The following ERC1 variants were observed in gnomAD, a reference collection of about 807,000 sequenced individuals.
ERC1 encodes RAB6 interacting protein 2.
ERC1 carries 56 observed loss-of-function variants against 132.0 expected under a neutral mutation model. The observed-to-expected ratio is 0.42, with a 90% CI of 0.34 to 0.53. ERC1 has a LOEUF of 0.53. Ranked by LOEUF, ERC1 falls within the 20% of genes least tolerant of loss-of-function variation. The pLI is 0.03. For synonymous variants in ERC1, 478 were observed against 476.1 expected (o/e 1.00, Z -0.05); for missense variants, 1,202 against 1,349.9 (o/e 0.89, Z 1.72).
At chr12:1,200,093 T>A (rs1441290541) in intron 12 of ERC1, among the ~76,000 whole-genome samples, 1 of 152,118 alleles carries the variant, frequency 6.6e-6, no homozygotes, top group Non-Finnish European at 1.5e-5. Context: ...TTATTGCCTT[T>A]TGAGTTTTTA....
intron 7 of ERC1, among the ~76,000 whole-genome samples, chr12:1,119,921 C>T (rs574179068): frequency 2.6e-5 from 4 of 152,080 alleles, no homozygotes; most frequent in Non-Finnish European, 5.9e-5. Context: ...TAACAACTTC[C>T]TAAGGTTTTT....
intron 3 of ERC1, among the ~76,000 whole-genome samples, chr12:1,096,612 A>G (rs557709586): frequency 1.6e-4 from 25 of 152,226 alleles, no homozygotes; most frequent in Non-Finnish European, 2.9e-4. Flanking sequence ...TTGTCGTTTT[A>G]AGGCAGGTGA....
At chr12:1,392,001 C>G (rs1201662037) in intron 16 of ERC1, among the ~76,000 whole-genome samples, 1 of 151,996 alleles carries the variant, frequency 6.6e-6, no homozygotes, top group African/African-American at 2.4e-5. Context: ...TACTTTTATA[C>G]TTAGTGTGCT....
At chr12:1,362,762 A>G (rs1371438477) in intron 15 of ERC1, among the ~76,000 whole-genome samples, 1 of 152,172 alleles carries the variant, frequency 6.6e-6, no homozygotes, top group Non-Finnish European at 1.5e-5. Flanking sequence ...TTTCAGGAAA[A>G]TGAAAAATCT....
intron 8 of ERC1, among the ~76,000 whole-genome samples, chr12:1,146,314 T>TTTTTTTTTTTTTTG (rs1566079523): frequency 3.0e-5 from 4 of 132,806 alleles, no homozygotes; most frequent in African/African-American, 1.4e-4. Context: ...ACTGGTTTTT[T>TTTTTTTTTTTTTTG]TTTTTTTTTT....
Position 1,112,280 on chromosome 12 carries a change from G to A in ERC1, c.1383G>A (p.Ala461=), listed in dbSNP as rs760574433. Residue 461 remains alanine (A), a synonymous_variant, in exon 6 of 19, where the codon GCG becomes GCA. Coordinates refer to ENST00000360905, the MANE Select transcript of ERC1 (RefSeq NM_178040.4). ...AATGGGAGGAGCTGAAAAAGAAAGC[G>A]GCTGGTCTTCAGGCTGAGGTCTTTG... ...EAQWEELKKK[A]AGLQAEIGQV... 2.5e-5 allele frequency: 40 copies of A among 1,612,960 alleles called. No individual in the cohort carries two copies. The highest frequency in any genetic ancestry group is 3.3e-4 in the Middle Eastern group (2 of 6,080).
At chr12:1,282,921 C>T (rs1031148503) in intron 14 of ERC1, among the ~76,000 whole-genome samples, 6 of 152,236 alleles carry the variant, frequency 3.9e-5, no homozygotes, top group Admixed American at 2.0e-4. Flanking sequence ...TGGAGACTTA[C>T]GCCTTTTACT....
At chr12:1,414,796 A>G (rs2092033247) in intron 17 of ERC1, among the ~76,000 whole-genome samples, 1 of 152,044 alleles carries the variant, frequency 6.6e-6, no homozygotes, top group Non-Finnish European at 1.5e-5. Flanking sequence ...ATGTATTCCC[A>G]TCATTTAAAT....
At chr12:1,270,811 C>T (rs1169433847) in intron 14 of ERC1, among the ~76,000 whole-genome samples, 1 of 151,532 alleles carries the variant, frequency 6.6e-6, no homozygotes, top group Non-Finnish European at 1.5e-5. Flanking sequence ...GAGAAAAGTA[C>T]AAGACAGGAT....
intron 18 of ERC1, among the ~76,000 whole-genome samples, chr12:1,479,261 G>A (rs1430832199): frequency 1.3e-5 from 2 of 152,026 alleles, no homozygotes; most frequent in African/African-American, 4.8e-5. Flanking sequence ...TGGCTGTTCT[G>A]GGCTCTCTGC....
chr12:1,078,077 A>T (rs913144914), intron 2 of ERC1, among the ~76,000 whole-genome samples: 8 of 152,224 alleles, frequency 5.3e-5, no homozygotes, highest in African/African-American at 1.9e-4. Flanking sequence ...AGTAATTGCC[A>T]TGCTACATTT....
chr12:1,293,740 A>G (rs1321146334), intron 15 of ERC1, among the ~76,000 whole-genome samples: 1 of 152,164 alleles, frequency 6.6e-6, no homozygotes, highest in Non-Finnish European at 1.5e-5. Flanking sequence ...TAACCAAATT[A>G]TATCCTAGTA....
chr12:1,400,523 T>C (rs907647755), intron 16 of ERC1, among the ~76,000 whole-genome samples: 1 of 152,190 alleles, frequency 6.6e-6, no homozygotes, highest in Non-Finnish European at 1.5e-5. Context: ...TTTACTCTTA[T>C]GTTTTGTTCT....
At chr12:1,244,780 A>T (rs1011044559) in intron 13 of ERC1, 2 of 266,706 alleles carry the variant, frequency 7.5e-6, no homozygotes, top group Non-Finnish European at 1.5e-5. Context: ...CGGCCTCTAC[A>T]AGTGCTGGGA....
intron 14 of ERC1, among the ~76,000 whole-genome samples, chr12:1,277,803 T>C (rs1460918077): frequency 1.3e-5 from 2 of 152,208 alleles, no homozygotes; most frequent in Non-Finnish European, 2.9e-5. Context: ...ATTTTTAAAA[T>C]GTAAGATGTT....
intron 2 of ERC1, among the ~76,000 whole-genome samples, chr12:1,073,357 A>G (rs1400308475): frequency 1.3e-5 from 2 of 152,110 alleles, no homozygotes; most frequent in African/African-American, 2.4e-5. Flanking sequence ...TACACAAGAT[A>G]TAAGACCAAT....
intron 13 of ERC1, among the ~76,000 whole-genome samples, chr12:1,241,309 G>C (rs556554708): frequency 6.6e-6 from 1 of 151,950 alleles, no homozygotes; most frequent in South Asian, 2.1e-4. Context: ...TGAAATTTCC[G>C]TGTCAAATTT....
At chr12:1,014,541 G>C (rs931985803) in intron 1 of ERC1, among the ~76,000 whole-genome samples, 9 of 152,134 alleles carry the variant, frequency 5.9e-5, no homozygotes, top group Admixed American at 4.6e-4. Context: ...AAGTATGTAA[G>C]TAAGGAAAAA....
At chr12:1,363,250 A>G (rs2086306582) in intron 15 of ERC1, among the ~76,000 whole-genome samples, 1 of 152,214 alleles carries the variant, frequency 6.6e-6, no homozygotes. Flanking sequence ...CCATCTGAGA[A>G]GCAGGTAGAG....
Sources: allele counts gnomAD v4.1 joint callset (sites outside exome capture counted in the v4.1 genomes callset), GRCh38; gene constraint gnomAD v4.1.1; transcripts MANE v1.5; gene names NCBI Gene and HGNC (gene_info 2026-07-23, HGNC 2026-07-21).